The following CFAP210 variants were observed in gnomAD, a reference collection of about 807,000 sequenced individuals.
The protein encoded by CFAP210 is cilia- and flagella- associated protein 210.
chr2:169,673,610 T>C, the CFAP210 span, among the ~76,000 whole-genome samples: 1 of 152,190 alleles, frequency 6.6e-6, no homozygotes, highest in Non-Finnish European at 1.5e-5. Flanking sequence ...CATACAGGTA[T>C]GTGAAAAAAG....
At chr2:169,656,370 A>G in the CFAP210 span, among the ~76,000 whole-genome samples, 1 of 108,978 alleles carries the variant, frequency 9.2e-6, no homozygotes, top group Non-Finnish European at 2.0e-5. Flanking sequence ...AAGGAAGAAG[A>G]AAGAGGAAAG....
the CFAP210 span, among the ~76,000 whole-genome samples, chr2:169,655,893 A>C: frequency 1.3e-5 from 2 of 152,262 alleles, no homozygotes. Context: ...TCAGTAGAAC[A>C]AAAAGAAAAC....
chr2:169,655,120 A>G, the CFAP210 span, among the ~76,000 whole-genome samples: 24 of 152,200 alleles, frequency 1.6e-4, no homozygotes, highest in African/African-American at 5.5e-4. Flanking sequence ...ATTGAGCACA[A>G]TAGCCTGAAT....
At chr2:169,648,638 A>C in the CFAP210 span, among the ~76,000 whole-genome samples, 1 of 152,254 alleles carries the variant, frequency 6.6e-6, no homozygotes, top group African/African-American at 2.4e-5. Flanking sequence ...TAAAGCCATA[A>C]GATATCACTA....
the CFAP210 span, chr2:169,650,318 G>A: frequency 6.5e-7 from 1 of 1,546,940 alleles, no homozygotes; most frequent in South Asian, 1.3e-5. Context: ...TTTCATAATT[G>A]AATTGTTTAC....
At chr2:169,670,349 C>G in the CFAP210 span, among the ~76,000 whole-genome samples, 1 of 152,148 alleles carries the variant, frequency 6.6e-6, no homozygotes, top group East Asian at 1.9e-4. Flanking sequence ...GACTCTTATA[C>G]TAGTCAAAGC....
chr2:169,652,590 G>A, the CFAP210 span, among the ~76,000 whole-genome samples: 1 of 152,006 alleles, frequency 6.6e-6, no homozygotes. Flanking sequence ...TCCACCCTGG[G>A]CAACATAGCA....
the CFAP210 span, among the ~76,000 whole-genome samples, chr2:169,677,956 A>G: frequency 2.0e-5 from 3 of 152,196 alleles, no homozygotes; most frequent in Non-Finnish European, 4.4e-5. Flanking sequence ...ACCATTTACC[A>G]TAATATTAAA....
the CFAP210 span, chr2:169,662,365 C>T: frequency 6.2e-6 from 10 of 1,605,682 alleles, no homozygotes; most frequent in African/African-American, 2.7e-5. Context: ...TGCATTCTGT[C>T]GCTTTATTTC....
the CFAP210 span, among the ~76,000 whole-genome samples, chr2:169,650,734 CTGTGTGTGTGTGTG>C: frequency 1.6e-4 from 23 of 147,104 alleles, no homozygotes; most frequent in Admixed American, 7.5e-4. Context: ...TATGTATAAT[CTGTGTGTGTGTGTG>C]TGTGTGTGTG....
At chr2:169,693,306 TA>T in the CFAP210 span, among the ~76,000 whole-genome samples, 1 of 152,236 alleles carries the variant, frequency 6.6e-6, no homozygotes, top group African/African-American at 2.4e-5. Flanking sequence ...TAGGTAAATC[TA>T]AACCAGGTAG....
chr2:169,652,975 G>C, the CFAP210 span, among the ~76,000 whole-genome samples: 1 of 109,048 alleles, frequency 9.2e-6, no homozygotes, highest in Non-Finnish European at 1.7e-5. Flanking sequence ...ACTCCAGCCT[G>C]GGCGACAGAG....
chr2:169,674,792 C>T, the CFAP210 span: 2 of 1,524,436 alleles, frequency 1.3e-6, no homozygotes, highest in South Asian at 2.6e-5. Context: ...AATTATAGTA[C>T]TTTAAGGAAA....
chr2:169,669,187 T>C, the CFAP210 span, among the ~76,000 whole-genome samples: 1 of 151,880 alleles, frequency 6.6e-6, no homozygotes, highest in African/African-American at 2.4e-5. Context: ...AATGGAAGGG[T>C]AAAATTCCAG....
At chr2:169,678,341 C>CAAAAAAAAAAAAAAAAAAAAAAAA in the CFAP210 span, among the ~76,000 whole-genome samples, 1 of 88,232 alleles carries the variant, frequency 1.1e-5, no homozygotes, top group African/African-American at 4.1e-5. Flanking sequence ...AACTCTGTTG[C>CAAAAAAAAAAAAAAAAAAAAAAAA]AAAAAAAAAA....
the CFAP210 span, among the ~76,000 whole-genome samples, chr2:169,669,222 CA>C: frequency 1.3e-5 from 2 of 151,986 alleles, no homozygotes; most frequent in African/African-American, 4.8e-5. Context: ...ATGAGGCAAG[CA>C]AGAGCTTGGT....
the CFAP210 span, among the ~76,000 whole-genome samples, chr2:169,654,877 C>T: frequency 6.6e-6 from 1 of 152,020 alleles, no homozygotes; most frequent in Non-Finnish European, 1.5e-5. Flanking sequence ...TAGCGAGCGT[C>T]CTTCCACTCC....
the CFAP210 span, among the ~76,000 whole-genome samples, chr2:169,655,348 G>A: frequency 2.0e-5 from 3 of 152,070 alleles, no homozygotes; most frequent in Non-Finnish European, 2.9e-5. Flanking sequence ...AGTTGTTAGG[G>A]GCATCACTTA....
At chr2:169,664,001 C>T in the CFAP210 span, among the ~76,000 whole-genome samples, 2 of 142,280 alleles carry the variant, frequency 1.4e-5, no homozygotes, top group Non-Finnish European at 3.0e-5. Flanking sequence ...CCAGCCTGGC[C>T]AACATAATGA....
Sources: allele counts gnomAD v4.1 joint callset (sites outside exome capture counted in the v4.1 genomes callset), GRCh38; gene constraint gnomAD v4.1.1; transcripts MANE v1.5; gene names NCBI Gene and HGNC (gene_info 2026-07-23, HGNC 2026-07-21).